The following ZNF322 variants were observed in gnomAD, a reference collection of about 807,000 sequenced individuals.
ZNF322 encodes the protein zinc finger protein 322.
A neutral mutation model predicts 18.3 loss-of-function variants in ZNF322; 1 was observed. That is an observed-to-expected ratio of 0.05 (90% CI 0.02 to 0.26). The LOEUF (loss-of-function observed/expected upper bound fraction) is 0.26. Ranked by LOEUF, ZNF322 falls within the 10% of genes least tolerant of loss-of-function variation. The probability of loss-of-function intolerance (pLI) is 1.00; values close to 1 mark genes in which losing one functional copy is unlikely to be tolerated. For synonymous variants in ZNF322, 17 were observed against 130.7 expected (o/e 0.13, Z 5.93); for missense variants, 36 against 403.6 (o/e 0.09, Z 7.80).
intron 2 of ZNF322, among the ~76,000 whole-genome samples, chr6:26,646,099 TAACA>T (rs1765555070): frequency 6.6e-6 from 1 of 151,222 alleles, no homozygotes; most frequent in African/African-American, 2.4e-5. Flanking sequence ...GTAGCTAATA[TAACA>T]AAAATCAAAC....
chr6:26,655,444 G>A (rs1362748547), intron 2 of ZNF322, among the ~76,000 whole-genome samples: 3 of 152,076 alleles, frequency 2.0e-5, no homozygotes, highest in African/African-American at 4.8e-5. Flanking sequence ...AAATGTATTC[G>A]AATGACTGTT....
Position 26,638,664 on chromosome 6 carries a change from C to T in ZNF322, c.-111G>A. 3 of 809,786 alleles carry T rather than the reference C, an allele frequency of 3.7e-6. No individual in the cohort carries two copies. Among genetic ancestry groups the T allele is most frequent in the Non-Finnish European group, 5.9e-6 (3 of 506,394 alleles). The allele number at this position is 809,786 out of a possible 1,614,324, so 50.2% of individuals were successfully genotyped here. ...GAAGATACATCTGTTTCAGGCCTTT[C>T]AATCATGAGCCTCTACAAGTTTCCA... On this transcript the variant is annotated 5_prime_UTR_variant, in exon 4 of 4. Coordinates refer to ENST00000415922, the MANE Select transcript of ZNF322 (RefSeq NM_024639.5).
intron 2 of ZNF322, among the ~76,000 whole-genome samples, chr6:26,656,087 A>T (rs1554149658): frequency 6.6e-6 from 1 of 152,200 alleles, no homozygotes; most frequent in African/African-American, 2.4e-5. Context: ...ACCATTTTGC[A>T]ATTTTTTGTA....
At chr6:26,645,283 A>G (rs1224929113) in intron 2 of ZNF322, among the ~76,000 whole-genome samples, 1 of 152,250 alleles carries the variant, frequency 6.6e-6, no homozygotes, top group Non-Finnish European at 1.5e-5. Context: ...TACAAAGCCC[A>G]CACTGTCACC....
At position 26,659,668 on chromosome 6, in the gene ZNF322, T is replaced by TAACAGAGCGCTTC. The variant is rs1479622957; in HGVS notation, c.-575_-563dup. ...GGGCCAGGCCGCCCACAGAGCGCTT[T>TAACAGAGCGCTTC]AACAGAGCGCTTCAAGGGCCCACAA... On this transcript the variant is annotated 5_prime_UTR_variant, in exon 1 of 4. Transcript: ENST00000415922. 4 of 164,100 alleles carry TAACAGAGCGCTTC rather than the reference T, an allele frequency of 2.4e-5. No homozygotes were observed. Among genetic ancestry groups the TAACAGAGCGCTTC allele is most frequent in the Admixed American group, 6.5e-5 (1 of 15,290 alleles). The allele number at this position is 164,100 out of a possible 1,614,324, so 10.2% of individuals were successfully genotyped here.
At chr6:26,640,462 A>T (rs969959414) in intron 3 of ZNF322, among the ~76,000 whole-genome samples, 19 of 152,232 alleles carry the variant, frequency 1.2e-4, no homozygotes, top group Admixed American at 1.2e-3. Flanking sequence ...CTCTTCCTGG[A>T]TGAAGGGCTC....
intron 3 of ZNF322, among the ~76,000 whole-genome samples, chr6:26,641,014 A>C (rs1281379921): frequency 6.6e-6 from 1 of 152,200 alleles, no homozygotes; most frequent in Non-Finnish European, 1.5e-5. Context: ...GAAAACAGGA[A>C]GTCAAAAGGA....
chr6:26,652,113 C>T (rs1446863007), intron 2 of ZNF322, among the ~76,000 whole-genome samples: 3 of 152,272 alleles, frequency 2.0e-5, no homozygotes, highest in East Asian at 3.9e-4. Context: ...GGATTATAAG[C>T]GTGAGCCACC....
Position 26,637,624 on chromosome 6 carries a change from TA to T in ZNF322, c.929del (p.Val310AspfsTer23). On this transcript the variant is annotated frameshift_variant, in exon 4 of 4. Coordinates refer to ENST00000415922, the MANE Select transcript of ZNF322 (RefSeq NM_024639.5). LOFTEE classifies it low-confidence loss of function (END_TRUNC). ...KSFNCSSDLI[V>X]HQRIHMEEKP... ...TCTCTTCCATGTGAATTCTCTGATG[TA>T]CAATAAGATCTGAGCTACAGTTAAA... 1 of 1,333,622 alleles carries T rather than the reference TA, an allele frequency of 7.5e-7. No homozygotes were observed. The highest frequency in any genetic ancestry group is 1.1e-6 in the Non-Finnish European group (1 of 938,214). The allele number at this position is 1,333,622 out of a possible 1,614,324, so 82.6% of individuals were successfully genotyped here.
chr6:26,656,905 T>G (rs782039248), intron 2 of ZNF322, among the ~76,000 whole-genome samples: 9 of 152,038 alleles, frequency 5.9e-5, no homozygotes, highest in Non-Finnish European at 7.4e-5. Context: ...ATATCCAAGC[T>G]TTTTTTAGAT....
At chr6:26,645,389 G>A (rs1765538492) in intron 2 of ZNF322, among the ~76,000 whole-genome samples, 1 of 152,148 alleles carries the variant, frequency 6.6e-6, no homozygotes, top group Non-Finnish European at 1.5e-5. Context: ...AGAGCTAGCA[G>A]TGGGCAAGAC....
At chr6:26,654,101 G>T (rs948804645) in intron 2 of ZNF322, among the ~76,000 whole-genome samples, 4 of 152,064 alleles carry the variant, frequency 2.6e-5, no homozygotes, top group Non-Finnish European at 5.9e-5. Flanking sequence ...GAATAAATAA[G>T]TAAATATACT....
chr6:26,648,183 A>T (rs1488929240), intron 2 of ZNF322, among the ~76,000 whole-genome samples: 1 of 152,202 alleles, frequency 6.6e-6, no homozygotes, highest in Admixed American at 6.5e-5. Context: ...ACTAAATATA[A>T]TACCCCATAT....
intron 2 of ZNF322, among the ~76,000 whole-genome samples, chr6:26,649,352 C>G (rs1765610708): frequency 6.6e-6 from 1 of 152,028 alleles, no homozygotes; most frequent in African/African-American, 2.4e-5. Flanking sequence ...GATGACATCT[C>G]AAATCACCAG....
At chr6:26,641,593 G>A (rs1765467060) in intron 3 of ZNF322, among the ~76,000 whole-genome samples, 1 of 152,222 alleles carries the variant, frequency 6.6e-6, no homozygotes, top group Non-Finnish European at 1.5e-5. Flanking sequence ...CTTCTGCCTT[G>A]AGGTGCTGTT....
At chr6:26,649,665 GTGTGTGTGTGTATATATATATATATA>G (rs1561924700) in intron 2 of ZNF322, among the ~76,000 whole-genome samples, 3 of 44,580 alleles carry the variant, frequency 6.7e-5, no homozygotes, top group African/African-American at 2.7e-4. Flanking sequence ...GTGTGTGTGT[GTGTGTGTGTGTATATATATATATATA>G]TATATATATA....
intron 2 of ZNF322, among the ~76,000 whole-genome samples, chr6:26,657,590 T>C (rs1011528399): frequency 6.6e-6 from 1 of 152,172 alleles, no homozygotes; most frequent in African/African-American, 2.4e-5. Context: ...GTATACATTT[T>C]ATATTTATTC....
At position 26,639,033 on chromosome 6, in the gene ZNF322, T is replaced by C. The variant is rs189940843; in HGVS notation, c.-175-305A>G. 8.5e-5 allele frequency among the ~76,000 whole-genome samples: 13 copies of C among 152,324 alleles called. No homozygotes were observed. The South Asian group carries it at 1.2e-3, about 15-fold the overall frequency. On this transcript the variant is annotated intron_variant, in intron 3 of 3. Coordinates refer to ENST00000415922, the MANE Select transcript of ZNF322 (RefSeq NM_024639.5). ...CAAGACTAATAATTATTATGCCTGC[T>C]CATGAAGAAAGCAAATCAAAAGGGA... is the stretch of plus-strand genomic sequence containing the variant.
intron 2 of ZNF322, among the ~76,000 whole-genome samples, chr6:26,649,668 T>G (rs1466793579): frequency 2.2e-5 from 1 of 44,576 alleles, no homozygotes; most frequent in African/African-American, 9.9e-5. Context: ...TGTGTGTGTG[T>G]GTGTGTGTAT....
Sources: allele counts gnomAD v4.1 joint callset (sites outside exome capture counted in the v4.1 genomes callset), GRCh38; gene constraint gnomAD v4.1.1; transcripts MANE v1.5; gene names NCBI Gene and HGNC (gene_info 2026-07-23, HGNC 2026-07-21).